The following EPHA1 variants were observed in gnomAD, a reference collection of about 807,000 sequenced individuals.
The protein encoded by EPHA1 is EPH receptor A1, also known as ephrin type-A receptor 1.
EPHA1 carries 92 observed loss-of-function variants against 110.1 expected under a neutral mutation model. That is an observed-to-expected ratio of 0.84 (90% CI 0.71 to 0.99). The LOEUF (loss-of-function observed/expected upper bound fraction) is 0.99, where lower values mean the gene tolerates loss of function less well. EPHA1 is among the 50% of genes least tolerant of loss of function. EPHA1 has a pLI of 0.00. For missense variants in EPHA1, 1,204 were observed against 1,285.4 expected, an observed-to-expected ratio of 0.94 and a Z score of 0.97; for synonymous variants, 500 against 516.1, an observed-to-expected ratio of 0.97 and a Z score of 0.42.
Position 143,393,762 on chromosome 7 carries a change from G to A in EPHA1, c.2605C>T (p.Arg869Cys), listed in dbSNP as rs758050233. The A allele has an allele frequency of 4.2e-5, 68 of 1,613,348 alleles. No individual in the cohort carries two copies. Among genetic ancestry groups the A allele is most frequent in the Middle Eastern group, 1.6e-4 (1 of 6,076 alleles). The change falls in exon 16 of 18, where the codon CGC (arginine) becomes TGC (cysteine). Residue 869 changes from arginine (R) to cysteine (C), a missense_variant. Coordinates refer to ENST00000275815, the MANE Select transcript of EPHA1 (RefSeq NM_005232.5). The surrounding 1 kb of genome is among the most constrained non-coding windows in gnomAD (Gnocchi z 5.6). The stretch of plus-strand genomic sequence containing the variant: ...TGAAGCTTCTGGAAGTGTGGCCGGC[G>A]GGCACGGTCATATGCCCAGCAGTTC... ...MKNCWAYDRA[R>C]RPHFQKLQAH...
intron 5 of EPHA1, 85 bp from the exon 6 acceptor site, chr7:143,399,030 C>G (rs995909375): frequency 7.5e-7 from 1 of 1,331,522 alleles, no homozygotes; most frequent in South Asian, 1.4e-5. Context: ...CCACCCAATT[C>G]TCGATGTCCT....
At position 143,399,326 on chromosome 7, in the gene EPHA1, G is replaced by A. The variant is rs150974578; in HGVS notation, c.923C>T (p.Ala308Val). 2.7e-4 allele frequency: 431 copies of A among 1,612,546 alleles called. 1 individual carries two copies. Among genetic ancestry groups the A allele is most frequent in the Middle Eastern group, 2.2e-3 (11 of 5,116 alleles). ...PQQSTAESEGATICTCESGHY... is the reference protein window; with the variant it reads ...PQQSTAESEGVTICTCESGHY... ...GCCGCTCTCACAGGTACAGATGGTG[G>A]CCCCCTCAGACTCAGCAGTGCTCTG... The change falls in exon 5 of 18, where the codon GCC becomes GTC. Residue 308 changes from alanine to valine, a missense_variant. Ala to Val is a moderately conservative substitution (Grantham distance 64, BLOSUM62 0). Coordinates refer to ENST00000275815, the MANE Select transcript of EPHA1 (RefSeq NM_005232.5).
At position 143,398,405 on chromosome 7, in the gene EPHA1, C is replaced by G; in HGVS notation, c.1380G>C (p.Pro460=). The G allele has an allele frequency of 6.2e-7, 1 of 1,614,138 alleles. No homozygotes were observed. The highest frequency in any genetic ancestry group is 8.5e-7 in the Non-Finnish European group (1 of 1,179,990). ...GLSLRLVKKE[P]RQLELTWAGS... ...CCGCCCAGGTCAGCTCTAGTTGCCT[C>G]GGTTCTTTCTTCACCAGTCTCAGAG... The change falls in exon 7 of 18, where the codon CCG becomes CCC. Residue 460 remains proline, a synonymous_variant. Coordinates refer to ENST00000275815, the MANE Select transcript of EPHA1 (RefSeq NM_005232.5).
chr7:143,408,854 T>G lies in EPHA1; in HGVS notation c.-49A>C. 1 of 913,568 alleles carries G rather than the reference T, an allele frequency of 1.1e-6. No individual in the cohort carries two copies. The highest frequency in any genetic ancestry group is 5.2e-5 in the South Asian group (1 of 19,080). The allele number at this position is 913,568 out of a possible 1,614,324, so 56.6% of individuals were successfully genotyped here. Reference sequence around the variant, plus strand: ...AGTGGCCCGGATGGCAGCGCCAGGTTGCAAGGGACTAGGAGAGCCGGGCGG... The same window carrying G: ...AGTGGCCCGGATGGCAGCGCCAGGTGGCAAGGGACTAGGAGAGCCGGGCGG... On this transcript the variant is annotated 5_prime_UTR_variant, in exon 1 of 18. Coordinates refer to ENST00000275815, the MANE Select transcript of EPHA1 (RefSeq NM_005232.5).
chr7:143,401,067 A>AT lies in EPHA1; in HGVS notation c.432+256dup, dbSNP rs1805400857. 1.9e-6 allele frequency: 1 copy of AT among 518,066 alleles called. No individual in the cohort carries two copies. 32.1% of individuals were successfully genotyped at this position (518,066 alleles called of 1,614,324 possible). A position where few individuals can be genotyped will look rare whatever the true frequency, so the allele number is the denominator to read the frequency against. ...GGCCACCATGCCCAGGTGATTTTTA[A>AT]TTTTTTGCAGAGATGAAGTTTTGCT... On this transcript the variant is annotated intron_variant, in intron 3 of 17. Coordinates refer to ENST00000275815, the MANE Select transcript of EPHA1 (RefSeq NM_005232.5). The surrounding 1 kb of genome is among the most constrained non-coding windows in gnomAD (Gnocchi z 4.1).
At chr7:143,392,103 G>A (rs1476248402) in intron 16 of EPHA1, among the ~76,000 whole-genome samples, 1 of 152,316 alleles carries the variant, frequency 6.6e-6, no homozygotes, top group East Asian at 1.9e-4. Context: ...GTTAAGACAT[G>A]GAAGTCTCCT....
chr7:143,401,705 A>C lies in EPHA1; in HGVS notation c.151-100T>G. ...AGAAGCAGCTGTGTCAGAGCCCCTC[A>C]GGTTTATGCTACTTGTTCTGCCTCT... is the stretch of plus-strand genomic sequence containing the variant. On this transcript the variant is annotated intron_variant, in intron 2 of 17. Transcript: ENST00000275815. The surrounding 1 kb of genome is among the most constrained non-coding windows in gnomAD (Gnocchi z 4.1). The C allele has an allele frequency of 7.0e-7, 1 of 1,428,000 alleles. No homozygotes were observed. Among genetic ancestry groups the C allele is most frequent in the Non-Finnish European group, 9.6e-7 (1 of 1,044,506 alleles). The allele number at this position is 1,428,000 out of a possible 1,614,324, so 88.5% of individuals were successfully genotyped here.
chr7:143,404,504 A>G (rs1805494135), intron 2 of EPHA1, among the ~76,000 whole-genome samples: 1 of 152,176 alleles, frequency 6.6e-6, no homozygotes, highest in Admixed American at 6.5e-5. Flanking sequence ...GGTGTGAGCC[A>G]CCGCGCGTGG....
intron 11 of EPHA1, among the ~76,000 whole-genome samples, chr7:143,396,113 G>A (rs1805237292): frequency 6.6e-6 from 1 of 152,242 alleles, no homozygotes; most frequent in South Asian, 2.1e-4. Flanking sequence ...TGAAAACAGT[G>A]TATTTAATGC....
At chr7:143,402,670 T>C (rs1442824136) in intron 2 of EPHA1, among the ~76,000 whole-genome samples, 3 of 152,216 alleles carry the variant, frequency 2.0e-5, no homozygotes, top group African/African-American at 7.2e-5. Flanking sequence ...AGCACTAACA[T>C]AGTGCTTACT....
rs1333618402 is a variant in EPHA1, at chr7:143,395,052, A to T, written c.2146-38T>A. Reference sequence around the variant, plus strand: ...GAGTGGGTGAGTCAGGGGATGGGCCAGGTCTCCTCCCAGTGCCCAGGGTAC... The same window carrying T: ...GAGTGGGTGAGTCAGGGGATGGGCCTGGTCTCCTCCCAGTGCCCAGGGTAC... On this transcript the variant is annotated intron_variant, in intron 13 of 17. Transcript: ENST00000275815. The surrounding 1 kb of genome is among the most constrained non-coding windows in gnomAD (Gnocchi z 4.7). 1.2e-6 allele frequency: 2 copies of T among 1,613,750 alleles called. No individual in the cohort carries two copies. The highest frequency in any genetic ancestry group is 3.3e-5 in the Admixed American group (2 of 60,000).
At position 143,391,643 on chromosome 7, in the gene EPHA1, C is replaced by G. The variant is rs1805087262; in HGVS notation, c.2829G>C (p.Glu943Asp). The change falls in exon 17 of 18, where the codon GAG (glutamate) becomes GAC (aspartate). Residue 943 changes from glutamate to aspartate, a missense_variant. By Grantham distance (45) the Glu-to-Asp change is conservative (BLOSUM62 2). Transcript: ENST00000275815. ...HFHSAGLDTM[E>D]CVLELTAEDL... is the part of the protein sequence containing the mutation. ...ACTCAGCGGTCAGCTCCAGCACACA[C>G]TCCATGGTGTCCAGCCCAGCCGAGT... 1.9e-6 allele frequency: 3 copies of G among 1,614,058 alleles called. No individual in the cohort carries two copies. The highest frequency in any genetic ancestry group is 1.1e-5 in the South Asian group (1 of 91,090).
chr7:143,395,395 G>T lies in EPHA1; in HGVS notation c.2007C>A (p.Asn669Lys). 3 of 1,614,222 alleles carry T rather than the reference G, an allele frequency of 1.9e-6. No individual in the cohort carries two copies. Among genetic ancestry groups the T allele is most frequent in the Non-Finnish European group, 1.7e-6 (2 of 1,180,046 alleles). ...CCATGATAGTTGCCTCTCGAAGGAAGTTCCACCACTGGCCACCTGGGGATG... is the reference window on the plus strand; with the variant it reads ...CCATGATAGTTGCCTCTCGAAGGAATTTCCACCACTGGCCACCTGGGGATG... ...KDTSPGGQWW[N>K]FLREATIMGQ... Residue 669 changes from asparagine to lysine, a missense_variant, in exon 12 of 18, where the codon AAC (asparagine) becomes AAA (lysine). Transcript: ENST00000275815. This position sits in a 1 kb window ranked among gnomAD's most constrained non-coding sequence, Gnocchi z 4.7.
chr7:143,392,384 AG>A (rs1395624760), intron 16 of EPHA1, among the ~76,000 whole-genome samples: 1 of 152,208 alleles, frequency 6.6e-6, no homozygotes, highest in African/African-American at 2.4e-5. Context: ...CCAGTGTATG[AG>A]GGAGTTGCGC....
At position 143,400,042 on chromosome 7, in the gene EPHA1, C is replaced by T; in HGVS notation, c.444G>A (p.Val148=). The change falls in exon 4 of 18, where the codon GTG becomes GTA. Residue 148 remains valine (V), a synonymous_variant. Transcript: ENST00000275815. The part of the protein sequence containing the change: ...RRPLFQKVTT[V]AADQSFTIRD... ...GAATGGTGAAGCTCTGGTCTGCAGCCACCGTGGTTACCTGGGTAGAAGGTG... is the reference window on the plus strand; with the variant it reads ...GAATGGTGAAGCTCTGGTCTGCAGCTACCGTGGTTACCTGGGTAGAAGGTG... 1 of 1,600,938 alleles carries T rather than the reference C, an allele frequency of 6.2e-7. No individual in the cohort carries two copies. Among genetic ancestry groups the T allele is most frequent in the Non-Finnish European group, 8.5e-7 (1 of 1,170,540 alleles).
intron 2 of EPHA1, among the ~76,000 whole-genome samples, chr7:143,402,482 A>G (rs1000739419): frequency 1.3e-5 from 2 of 151,994 alleles, no homozygotes; most frequent in Admixed American, 1.3e-4. Flanking sequence ...AACCTCCGCC[A>G]CCTAGGTTCA....
chr7:143,391,399 G>A lies in EPHA1; in HGVS notation c.*58C>T, dbSNP rs572209090. On this transcript the variant is annotated 3_prime_UTR_variant, in exon 18 of 18. Coordinates refer to ENST00000275815, the MANE Select transcript of EPHA1 (RefSeq NM_005232.5). ...AGGGGCGCAGGGAGTGACCATGAGC[G>A]ACCTTGGCCCCGTCCTTGCTCCTTG... is the stretch of plus-strand genomic sequence containing the variant. The A allele has an allele frequency of 1.0e-4, 161 of 1,598,966 alleles. No homozygotes were observed. The highest frequency in any genetic ancestry group is 8.3e-4 in the African/African-American group (62 of 74,674).
At chr7:143,396,682 T>G in intron 10 of EPHA1, 172 bp from the exon 11 acceptor site, 1 of 706,488 alleles carries the variant, frequency 1.4e-6, no homozygotes, top group Non-Finnish European at 2.3e-6. Flanking sequence ...TAGGCCTTTC[T>G]TCTCCCTGTC....
intron 2 of EPHA1, among the ~76,000 whole-genome samples, chr7:143,405,741 GC>G (rs1805531699): frequency 6.6e-6 from 1 of 152,138 alleles, no homozygotes; most frequent in South Asian, 2.1e-4. Flanking sequence ...CTTCCAAACG[GC>G]CCCTCCTGGA....
Sources: allele counts gnomAD v4.1 joint callset (sites outside exome capture counted in the v4.1 genomes callset), GRCh38; gene constraint gnomAD v4.1.1; non-coding constraint Gnocchi (gnomAD v3.1); transcripts MANE v1.5; gene names NCBI Gene and HGNC (gene_info 2026-07-23, HGNC 2026-07-21).